Variants in MGAT4D observed in about 807,000 individuals in gnomAD.
MGAT4D encodes alpha-1,3-mannosyl-glycoprotein 4-beta-N-acetylglucosaminyltransferase-like protein MGAT4D.
In MGAT4D, 34 loss-of-function variants were observed where a neutral mutation model predicts 15.9. That is an observed-to-expected ratio of 2.14 (90% CI 1.62 to 2.84). The LOEUF is 2.84. Ranked by LOEUF, MGAT4D falls within the 30% of genes most tolerant of loss-of-function variation. MGAT4D has a pLI of 0.00. For missense variants in MGAT4D, 327 were observed against 140.2 expected (o/e 2.33, Z -6.73); for synonymous variants, 112 against 48.2 (o/e 2.33, Z -5.49).
chr4:140,483,862 A>C (rs1216388246), intron 1 of MGAT4D, among the ~76,000 whole-genome samples: 1 of 152,206 alleles, frequency 6.6e-6, no homozygotes, highest in Non-Finnish European at 1.5e-5. Flanking sequence ...AAATCAACTA[A>C]AAATGGATGA....
chr4:140,479,556 A>T lies in MGAT4D; in HGVS notation c.325T>A (p.Phe109Ile). 1 of 557,452 alleles carries T rather than the reference A, an allele frequency of 1.8e-6. No homozygotes were observed. Among genetic ancestry groups the T allele is most frequent in the South Asian group, 2.5e-5 (1 of 40,546 alleles). The allele number at this position is 557,452 out of a possible 1,614,324, so 34.5% of individuals were successfully genotyped here. The change falls in exon 3 of 11, where the codon TTT becomes ATT. Residue 109 changes from phenylalanine to isoleucine, a missense_variant. By Grantham distance (21) the Phe-to-Ile change is conservative. Transcript: ENST00000511113. ...CTACCTTCTTTCCTTAGATGAGGAA[A>T]AAAGAACTTTAAGTCTTCAAATGTA... ...SNTFEDLKFF[F>I]PHLRKEGRIY...
intron 1 of MGAT4D, among the ~76,000 whole-genome samples, chr4:140,497,174 G>A (rs1733891445): frequency 6.6e-6 from 1 of 152,098 alleles, no homozygotes; most frequent in Admixed American, 6.5e-5. Flanking sequence ...AGATTACCTT[G>A]TGTGCACTTA....
At chr4:140,466,924 CTG>C (rs1188444653) in intron 5 of MGAT4D, among the ~76,000 whole-genome samples, 1 of 152,102 alleles carries the variant, frequency 6.6e-6, no homozygotes, top group Non-Finnish European at 1.5e-5. Flanking sequence ...AGAAAAGTCT[CTG>C]TGCCAATTTT....
At chr4:140,481,409 T>C (rs1021743787) in intron 2 of MGAT4D, among the ~76,000 whole-genome samples, 2 of 152,244 alleles carry the variant, frequency 1.3e-5, no homozygotes, top group African/African-American at 4.8e-5. Flanking sequence ...CAGTTTCTTA[T>C]AACATTAAAC....
At chr4:140,479,111 G>T (rs1024673493) in intron 3 of MGAT4D, among the ~76,000 whole-genome samples, 2 of 152,144 alleles carry the variant, frequency 1.3e-5, no homozygotes, top group South Asian at 2.1e-4. Context: ...AACATCACCT[G>T]TTGTATAAGG....
chr4:140,464,860 A>C (rs1731426066), intron 6 of MGAT4D, 36 bp downstream of exon 6: 1 of 699,970 alleles, frequency 1.4e-6, no homozygotes, highest in Non-Finnish European at 2.6e-6. Flanking sequence ...AGATGAAGTT[A>C]GTTATTTAAG....
intron 4 of MGAT4D, among the ~76,000 whole-genome samples, chr4:140,474,393 T>C (rs1732176800): frequency 6.6e-6 from 1 of 152,160 alleles, no homozygotes; most frequent in Admixed American, 6.6e-5. Flanking sequence ...CAATCATAGG[T>C]GTTGTTGCTT....
At chr4:140,484,403 T>C (rs893299592) in intron 1 of MGAT4D, among the ~76,000 whole-genome samples, 1 of 152,042 alleles carries the variant, frequency 6.6e-6, no homozygotes, top group Non-Finnish European at 1.5e-5. Flanking sequence ...AGAAAGAAAC[T>C]CTTGCACACT....
At chr4:140,485,810 T>TTAAAAAAAAAAAAAAA (rs1733076131) in intron 1 of MGAT4D, among the ~76,000 whole-genome samples, 2 of 13,018 alleles carry the variant, frequency 1.5e-4, no homozygotes, top group Non-Finnish European at 2.8e-4. Flanking sequence ...GACCCTGTCT[T>TTAAAAAAAAAAAAAAA]AAAAAAAAAA....
intron 9 of MGAT4D, among the ~76,000 whole-genome samples, chr4:140,453,925 T>C (rs1730629994): frequency 6.6e-6 from 1 of 152,184 alleles, no homozygotes; most frequent in Non-Finnish European, 1.5e-5. Context: ...TTTTCATTGC[T>C]ATTTTGCAGA....
chr4:140,456,736 A>T lies in MGAT4D; in HGVS notation c.878-17T>A, dbSNP rs1247990282. Reference sequence around the variant, plus strand: ...ACAGCTTTCCTATGGAAAAAAATACAATTAGATGCAAATAATTCATATGTA... The same window carrying T: ...ACAGCTTTCCTATGGAAAAAAATACTATTAGATGCAAATAATTCATATGTA... On this transcript the variant is annotated splice_polypyrimidine_tract_variant and intron_variant, in intron 8 of 10. Coordinates refer to ENST00000511113, the MANE Select transcript of MGAT4D (RefSeq NM_001277353.2). The T allele has an allele frequency of 1.6e-6, 1 of 641,316 alleles. No homozygotes were observed. Among genetic ancestry groups the T allele is most frequent in the Non-Finnish European group, 2.8e-6 (1 of 358,842 alleles). 39.7% of individuals were successfully genotyped at this position (641,316 alleles called of 1,614,324 possible).
At chr4:140,446,950 TTTCA>T (rs1730175668) in intron 10 of MGAT4D, among the ~76,000 whole-genome samples, 1 of 151,944 alleles carries the variant, frequency 6.6e-6, no homozygotes, top group Admixed American at 6.6e-5. Flanking sequence ...TCTGCCTTAA[TTTCA>T]TTATTTACTC....
chr4:140,469,265 C>A (rs936242600), intron 5 of MGAT4D, among the ~76,000 whole-genome samples: 2 of 152,178 alleles, frequency 1.3e-5, no homozygotes, highest in Non-Finnish European at 2.9e-5. Context: ...ACGTTTGTTT[C>A]ATCTACGCAG....
At chr4:140,497,730 G>T (rs1733929837) in intron 1 of MGAT4D, among the ~76,000 whole-genome samples, 1 of 152,212 alleles carries the variant, frequency 6.6e-6, no homozygotes, top group Non-Finnish European at 1.5e-5. Context: ...GGAAAGATGC[G>T]GACAGATGCT....
chr4:140,468,445 C>T (rs1407524564), intron 5 of MGAT4D, among the ~76,000 whole-genome samples: 1 of 152,152 alleles, frequency 6.6e-6, no homozygotes, highest in Non-Finnish European at 1.5e-5. Flanking sequence ...AAAAGGCTTA[C>T]AATGATGCGG....
intron 1 of MGAT4D, among the ~76,000 whole-genome samples, chr4:140,486,817 A>G (rs1359727835): frequency 6.6e-6 from 1 of 152,230 alleles, no homozygotes. Flanking sequence ...ACCTATCCAG[A>G]TAAGCCTTAA....
chr4:140,448,661 G>T (rs143286564), intron 10 of MGAT4D, among the ~76,000 whole-genome samples: 64 of 152,242 alleles, frequency 4.2e-4, no homozygotes, highest in African/African-American at 1.5e-3. Flanking sequence ...GAATCTTGAA[G>T]ATCTTCATTT....
At chr4:140,484,459 G>A (rs1272132154) in intron 1 of MGAT4D, among the ~76,000 whole-genome samples, 1 of 152,064 alleles carries the variant, frequency 6.6e-6, no homozygotes, top group African/African-American at 2.4e-5. Flanking sequence ...AACACAATAT[G>A]GAGGCTCCTT....
At chr4:140,475,024 C>T in intron 3 of MGAT4D, 78 bp from the exon 4 acceptor site, 1 of 463,722 alleles carries the variant, frequency 2.2e-6, no homozygotes, top group Non-Finnish European at 3.8e-6. Flanking sequence ...TATGCTTATT[C>T]CTATGTTTGG....
Sources: allele counts gnomAD v4.1 joint callset (sites outside exome capture counted in the v4.1 genomes callset), GRCh38; gene constraint gnomAD v4.1.1; transcripts MANE v1.5; gene names NCBI Gene and HGNC (gene_info 2026-07-23, HGNC 2026-07-21).